Variants in HIBADH observed in about 807,000 individuals in gnomAD.
HIBADH encodes 3-hydroxyisobutyrate dehydrogenase.
HIBADH carries 25 observed loss-of-function variants against 36.1 expected under a neutral mutation model. That is an observed-to-expected ratio of 0.69 (90% confidence interval 0.50 to 0.97). HIBADH has a LOEUF of 0.97. Among genes scored for constraint, HIBADH ranks in the 50% least tolerant of loss-of-function variants. The probability of loss-of-function intolerance (pLI) is 0.00; values close to 1 mark genes in which losing one functional copy is unlikely to be tolerated. For synonymous variants in HIBADH, 160 were observed against 149.5 expected, an observed-to-expected ratio of 1.07 and a Z score of -0.51; for missense variants, 421 against 418.0, an observed-to-expected ratio of 1.01 and a Z score of -0.06.
At chr7:27,557,083 C>T (rs532848835) in intron 4 of HIBADH, among the ~76,000 whole-genome samples, 1 of 150,422 alleles carries the variant, frequency 6.6e-6, no homozygotes, top group East Asian at 2.0e-4. Context: ...GAGGCTATAG[C>T]GAGGCATGTT....
intron 4 of HIBADH, among the ~76,000 whole-genome samples, chr7:27,617,787 G>A (rs990618395): frequency 2.0e-5 from 3 of 152,270 alleles, no homozygotes; most frequent in Non-Finnish European, 4.4e-5. Flanking sequence ...TGACACTAGC[G>A]CAGGTGGAGA....
At chr7:27,584,313 CAGTT>C (rs769115081) in intron 4 of HIBADH, among the ~76,000 whole-genome samples, 8 of 151,972 alleles carry the variant, frequency 5.3e-5, no homozygotes, top group Non-Finnish European at 1.2e-4. Context: ...AATACTCGTT[CAGTT>C]AGTTATGCAG....
rs553131783 is a variant in HIBADH, at chr7:27,656,911, C to T, written c.91+5787G>A. On this transcript the variant is annotated intron_variant, in intron 1 of 7. Transcript: ENST00000265395. ...TAAAAGTGGACTGTGTAAAGGTAAA[C>T]AGTGTCACAGCAACCATTACACATT... 2.0e-5 allele frequency among the ~76,000 whole-genome samples: 3 copies of T among 152,250 alleles called. No individual in the cohort carries two copies. In the East Asian group the frequency reaches 5.8e-4, roughly 29 times the overall value.
chr7:27,605,888 A>G (rs1020638458), intron 4 of HIBADH, among the ~76,000 whole-genome samples: 2 of 152,158 alleles, frequency 1.3e-5, no homozygotes, highest in African/African-American at 4.8e-5. Context: ...CTGGTGGCAC[A>G]GATAAATTCT....
In HIBADH at chr7:27,643,676, G is replaced by A. The variant is rs551852387; in HGVS notation, c.252+5797C>T. ...GCTGCAACAAGTTACCACAAGCACCGTCGCTTAAAACAACAGAAATTTACT... is the reference window on the plus strand; with the variant it reads ...GCTGCAACAAGTTACCACAAGCACCATCGCTTAAAACAACAGAAATTTACT... On this transcript the variant is annotated intron_variant, in intron 2 of 7. Transcript: ENST00000265395. Among the ~76,000 whole-genome samples, 6 of 152,160 alleles carry A rather than the reference G, an allele frequency of 3.9e-5. No homozygotes were observed. The East Asian group carries it at 9.6e-4, about 24-fold the overall frequency.
chr7:27,625,169 C>A (rs929383394), intron 4 of HIBADH, among the ~76,000 whole-genome samples: 1 of 152,182 alleles, frequency 6.6e-6, no homozygotes, highest in Non-Finnish European at 1.5e-5. Context: ...AATCTACATT[C>A]AATGTGTCAA....
At chr7:27,640,053 C>T (rs1273291846) in intron 2 of HIBADH, among the ~76,000 whole-genome samples, 3 of 152,130 alleles carry the variant, frequency 2.0e-5, no homozygotes, top group Non-Finnish European at 1.5e-5. Context: ...CTTTGGTCAC[C>T]GCCACCCTCC....
intron 4 of HIBADH, among the ~76,000 whole-genome samples, chr7:27,571,230 A>T (rs1784623620): frequency 6.6e-6 from 1 of 150,976 alleles, no homozygotes; most frequent in Non-Finnish European, 1.5e-5. Context: ...TTTTATTTTT[A>T]TTTTTTTTTG....
intron 4 of HIBADH, among the ~76,000 whole-genome samples, chr7:27,545,842 A>G (rs1045519312): frequency 2.6e-5 from 4 of 152,164 alleles, no homozygotes; most frequent in African/African-American, 9.6e-5. Context: ...AAAAGTCAGC[A>G]CTGAGGTCAT....
chr7:27,595,689 T>C (rs1361412093), intron 4 of HIBADH, among the ~76,000 whole-genome samples: 1 of 151,402 alleles, frequency 6.6e-6, no homozygotes, highest in Non-Finnish European at 1.5e-5. Flanking sequence ...ATTGAATAAA[T>C]GAATGAGCAT....
intron 4 of HIBADH, among the ~76,000 whole-genome samples, chr7:27,620,024 T>C (rs1235979694): frequency 6.6e-6 from 1 of 152,168 alleles, no homozygotes; most frequent in Non-Finnish European, 1.5e-5. Flanking sequence ...AATCAGACTG[T>C]CTAAAGTCGA....
intron 6 of HIBADH, among the ~76,000 whole-genome samples, chr7:27,535,062 G>A (rs569535911): frequency 2.0e-5 from 3 of 148,320 alleles, no homozygotes; most frequent in African/African-American, 5.0e-5. Context: ...TAGCCAGTAC[G>A]ATGGCATTTT....
chr7:27,647,861 G>C (rs1786102144), intron 2 of HIBADH: 1 of 192,156 alleles, frequency 5.2e-6, no homozygotes, highest in Non-Finnish European at 1.2e-5. Context: ...AGTACTACAG[G>C]CATAGAGGGA....
chr7:27,551,692 G>T (rs759254969), intron 4 of HIBADH, among the ~76,000 whole-genome samples: 1 of 152,182 alleles, frequency 6.6e-6, no homozygotes, highest in South Asian at 2.1e-4. Flanking sequence ...AGAGGGAAGA[G>T]ATGGAAAACT....
In HIBADH at chr7:27,662,701, C is replaced by G; in HGVS notation, c.88G>C (p.Ala30Pro). The change falls in exon 1 of 8, where the codon GCG becomes CCG. Residue 30 changes from alanine to proline, a missense_variant. By Grantham distance (27) the Ala-to-Pro change is conservative. Transcript: ENST00000265395. The stretch of plus-strand genomic sequence containing the variant: ...GGAGGAGGCGTGAGGTCCTTACCCG[C>G]TGCAAAGCTGCCGGCTGCCGGCCGC... ...RLRPAAGSFA[A>P]VCSRSVASKT... 2 of 1,359,438 alleles carry G rather than the reference C, an allele frequency of 1.5e-6. No individual in the cohort carries two copies. The highest frequency in any genetic ancestry group is 1.9e-6 in the Non-Finnish European group (2 of 1,049,230). 84.2% of individuals were successfully genotyped at this position (1,359,438 alleles called of 1,614,324 possible).
chr7:27,544,315 T>C (rs1297677963), intron 4 of HIBADH, among the ~76,000 whole-genome samples: 1 of 152,222 alleles, frequency 6.6e-6, no homozygotes, highest in East Asian at 1.9e-4. Context: ...TCATAAGCAA[T>C]TATTAAAAGC....
Position 27,546,864 on chromosome 7 carries a change from C to T in HIBADH, c.485-3764G>A, listed in dbSNP as rs568161150. 1.4e-4 allele frequency among the ~76,000 whole-genome samples: 21 copies of T among 152,316 alleles called. No individual in the cohort carries two copies. The South Asian group carries it at 1.9e-3, about 14-fold the overall frequency. ...CTCTCACTGTCCATCCCTACTACCA[C>T]GGTCTGAGCTACAGGTAACTCCTGC... On this transcript the variant is annotated intron_variant, in intron 4 of 7. Coordinates refer to ENST00000265395, the MANE Select transcript of HIBADH (RefSeq NM_152740.4).
intron 1 of HIBADH, among the ~76,000 whole-genome samples, chr7:27,658,929 G>A (rs1786361402): frequency 6.6e-6 from 1 of 152,000 alleles, no homozygotes; most frequent in Non-Finnish European, 1.5e-5. Flanking sequence ...TAATAAATAC[G>A]CTCCTTATGT....
At chr7:27,642,642 GTTTTTTTTT>G (rs71555706) in intron 2 of HIBADH, among the ~76,000 whole-genome samples, 1 of 97,422 alleles carries the variant, frequency 1.0e-5, no homozygotes, top group Non-Finnish European at 1.9e-5. Flanking sequence ...TAAATGTCTA[GTTTTTTTTT>G]TTTTTTTTTT....
Sources: allele counts gnomAD v4.1 joint callset (sites outside exome capture counted in the v4.1 genomes callset), GRCh38; gene constraint gnomAD v4.1.1; transcripts MANE v1.5; gene names NCBI Gene and HGNC (gene_info 2026-07-23, HGNC 2026-07-21).